KLF12: variants seen among roughly 807,000 people sequenced by gnomAD.
KLF12 encodes Krueppel-like factor 12.
A neutral mutation model predicts 37.8 loss-of-function variants in KLF12; 9 were observed. That is an observed-to-expected ratio of 0.24 (90% CI 0.14 to 0.42). The LOEUF (loss-of-function observed/expected upper bound fraction) is 0.42, where lower values mean the gene tolerates loss of function less well. KLF12 is among the 10% of genes least tolerant of loss of function. KLF12 has a pLI of 1.00. For missense variants in KLF12, 411 were observed against 516.0 expected (o/e 0.80, Z 1.97); for synonymous variants, 208 against 202.1 (o/e 1.03, Z -0.25).
intron 5 of KLF12, among the ~76,000 whole-genome samples, chr13:73,777,337 C>T (rs758638170): frequency 1.9e-4 from 29 of 152,236 alleles, no homozygotes; most frequent in African/African-American, 4.3e-4. Context: ...ATGATGCAAT[C>T]GATGTTTTGA....
At chr13:74,012,474 A>AT (rs1566503866) in intron 1 of KLF12, among the ~76,000 whole-genome samples, 1 of 152,232 alleles carries the variant, frequency 6.6e-6, no homozygotes, top group Non-Finnish European at 1.5e-5. Flanking sequence ...CACCTATTTT[A>AT]TATCACATCC....
chr13:74,016,430 T>C (rs926741176), intron 1 of KLF12, among the ~76,000 whole-genome samples: 9 of 152,186 alleles, frequency 5.9e-5, no homozygotes, highest in Non-Finnish European at 1.3e-4. Context: ...CATGTGATCA[T>C]AGCTCAGTGA....
the KLF12 span, among the ~76,000 whole-genome samples, chr13:74,239,661 C>T: frequency 7.4e-6 from 1 of 134,252 alleles, no homozygotes; most frequent in South Asian, 2.6e-4. Flanking sequence ...ATAGTTAGCT[C>T]TTCTTGTTGA....
intron 4 of KLF12, among the ~76,000 whole-genome samples, chr13:73,835,014 T>C (rs186667270): frequency 6.3e-4 from 95 of 151,100 alleles, no homozygotes; most frequent in Non-Finnish European, 5.9e-5. Flanking sequence ...CTGAATAGAG[T>C]CACATGCAAA....
intron 1 of KLF12, among the ~76,000 whole-genome samples, chr13:74,094,110 C>T (rs1454727731): frequency 6.6e-6 from 1 of 151,954 alleles, no homozygotes; most frequent in Non-Finnish European, 1.5e-5. Flanking sequence ...CTACAGGTGC[C>T]CACCTCTACC....
In KLF12 at chr13:73,775,670, A is replaced by G. The variant is rs1219644114; in HGVS notation, c.807-10670T>C. Among the ~76,000 whole-genome samples the G allele has an allele frequency of 2.0e-5, 3 of 152,314 alleles. No homozygotes were observed. The East Asian group carries it at 5.8e-4, about 29-fold the overall frequency. ...TTGGAGACACTTCATGAACTGGCAG[A>G]CATTCTGATTGGTAGTTATGCTATT... On this transcript the variant is annotated intron_variant, in intron 5 of 7. Transcript: ENST00000377669.
At chr13:74,183,359 C>T in the KLF12 span, among the ~76,000 whole-genome samples, 4 of 152,112 alleles carry the variant, frequency 2.6e-5, no homozygotes, top group Non-Finnish European at 5.9e-5. Flanking sequence ...CTCTCTGGAC[C>T]TCTTAATCTT....
chr13:74,104,927 C>T (rs952144855), intron 1 of KLF12, among the ~76,000 whole-genome samples: 1 of 152,178 alleles, frequency 6.6e-6, no homozygotes, highest in Non-Finnish European at 1.5e-5. Flanking sequence ...GGCCTGTACA[C>T]TTCTCCTCTA....
In KLF12 at chr13:73,693,068, GAA is replaced by G. The variant is rs1873904633; in HGVS notation, c.*2420_*2421del. On this transcript the variant is annotated 3_prime_UTR_variant, in exon 8 of 8. Transcript: ENST00000377669. ...TACTCTCAAGACATCTTTCAGCAGA[GAA>G]AAGAACTGGCTCTTTTTATGAGAGC... 1 of 152,150 alleles carries G rather than the reference GAA, an allele frequency of 6.6e-6. No homozygotes were observed. Among genetic ancestry groups the G allele is most frequent in the African/African-American group, 2.4e-5 (1 of 41,444 alleles). 9.4% of individuals were successfully genotyped at this position (152,150 alleles called of 1,614,324 possible). A position where few individuals can be genotyped will look rare whatever the true frequency, so the allele number is the denominator to read the frequency against.
At chr13:73,811,573 T>C (rs1882943557) in intron 5 of KLF12, among the ~76,000 whole-genome samples, 1 of 152,194 alleles carries the variant, frequency 6.6e-6, no homozygotes, top group African/African-American at 2.4e-5. Context: ...TGAAGCTTTC[T>C]ATATGCCAAA....
the KLF12 span, among the ~76,000 whole-genome samples, chr13:74,165,950 C>T: frequency 5.9e-5 from 9 of 152,170 alleles, no homozygotes; most frequent in African/African-American, 2.2e-4. Context: ...ATAATGACTA[C>T]TGAATGGTCA....
chr13:73,837,036 C>A (rs144484298), intron 4 of KLF12, among the ~76,000 whole-genome samples: 1 of 152,172 alleles, frequency 6.6e-6, no homozygotes, highest in Non-Finnish European at 1.5e-5. Flanking sequence ...CTTTACCTAA[C>A]AAATGGATTT....
At chr13:73,758,577 CAT>C (rs1879342644) in intron 6 of KLF12, among the ~76,000 whole-genome samples, 2 of 152,118 alleles carry the variant, frequency 1.3e-5, no homozygotes, top group South Asian at 2.1e-4. Flanking sequence ...TATGGGTTCA[CAT>C]GTTAGGTTTC....
the KLF12 span, among the ~76,000 whole-genome samples, chr13:74,197,899 C>A: frequency 6.6e-6 from 1 of 151,962 alleles, no homozygotes; most frequent in South Asian, 2.1e-4. Flanking sequence ...ACAAAGAGGG[C>A]ATTGATCAGG....
intron 6 of KLF12, among the ~76,000 whole-genome samples, chr13:73,716,342 A>T (rs1284169628): frequency 6.6e-6 from 1 of 152,184 alleles, no homozygotes; most frequent in Non-Finnish European, 1.5e-5. Context: ...CTTTTTTAGT[A>T]CCATGACATT....
intron 3 of KLF12, among the ~76,000 whole-genome samples, chr13:73,924,810 A>T (rs974065117): frequency 2.6e-5 from 4 of 152,366 alleles, no homozygotes; most frequent in Non-Finnish European, 5.9e-5. Flanking sequence ...CCTGAAAGAA[A>T]TTAAAAGTGC....
rs971469506 is a variant in KLF12, at chr13:73,687,892, T to G, written c.*7598A>C. On this transcript the variant is annotated 3_prime_UTR_variant, in exon 8 of 8. Coordinates refer to ENST00000377669, the MANE Select transcript of KLF12 (RefSeq NM_007249.5). ...AAGAAAAAGTACTGAGGCGACTGTT[T>G]CCACTATTGATCTCTTTTCAACTCA... 4 of 152,216 alleles carry G rather than the reference T, an allele frequency of 2.6e-5. No homozygotes were observed. The highest frequency in any genetic ancestry group is 9.6e-5 in the African/African-American group (4 of 41,460). 9.4% of individuals were successfully genotyped at this position (152,216 alleles called of 1,614,324 possible).
the KLF12 span, among the ~76,000 whole-genome samples, chr13:74,291,483 C>T: frequency 2.6e-5 from 4 of 152,200 alleles, no homozygotes; most frequent in Non-Finnish European, 5.9e-5. Flanking sequence ...AAGTCACATC[C>T]TCAGAGATAT....
chr13:74,280,872 G>C, the KLF12 span, among the ~76,000 whole-genome samples: 1 of 121,560 alleles, frequency 8.2e-6, no homozygotes, highest in Non-Finnish European at 1.6e-5. Context: ...AACTGGCACA[G>C]AAAAAGGGAG....
Sources: gnomAD v4.1 joint callset for allele counts (sites outside exome capture counted in the v4.1 genomes callset) on GRCh38, gnomAD v4.1.1 for gene constraint, MANE v1.5 for transcripts, NCBI Gene and HGNC (gene_info 2026-07-23, HGNC 2026-07-21) for gene names.